LNPK: variants seen among roughly 807,000 people sequenced by gnomAD.
LNPK encodes the protein endoplasmic reticulum junction formation protein lunapark.
LNPK carries 29 observed loss-of-function variants against 55.2 expected under a neutral mutation model. That is an observed-to-expected ratio of 0.53 (90% CI 0.39 to 0.72). The LOEUF (loss-of-function observed/expected upper bound fraction) is 0.72, where lower values mean the gene tolerates loss of function less well. Among genes scored for constraint, LNPK ranks in the 30% least tolerant of loss-of-function variants. The pLI, the probability that LNPK is intolerant of heterozygous loss-of-function variation, is 0.00. For synonymous variants in LNPK, 162 were observed against 168.2 expected, an observed-to-expected ratio of 0.96 and a Z score of 0.29; for missense variants, 467 against 494.8, an observed-to-expected ratio of 0.94 and a Z score of 0.53.
chr2:175,985,408 C>T (rs941064338), intron 4 of LNPK, among the ~76,000 whole-genome samples: 3 of 152,162 alleles, frequency 2.0e-5, no homozygotes, highest in African/African-American at 7.2e-5. Context: ...AATTTCCTGG[C>T]TTAATATTTG....
At chr2:175,933,979 T>C (rs1344950875) in intron 12 of LNPK, among the ~76,000 whole-genome samples, 2 of 152,102 alleles carry the variant, frequency 1.3e-5, no homozygotes, top group Non-Finnish European at 2.9e-5. Context: ...CCGCCCGCCT[T>C]GGCCTCCCAA....
chr2:175,975,557 C>A (rs192702310), intron 5 of LNPK, among the ~76,000 whole-genome samples: 1 of 152,114 alleles, frequency 6.6e-6, no homozygotes, highest in Non-Finnish European at 1.5e-5. Context: ...ATGAAGAATG[C>A]GGTATCCTTC....
At chr2:175,987,382 A>C (rs1157149642) in intron 4 of LNPK, among the ~76,000 whole-genome samples, 1 of 152,174 alleles carries the variant, frequency 6.6e-6, no homozygotes, top group Non-Finnish European at 1.5e-5. Context: ...ATGGACATGG[A>C]TGAAACTGGA....
At chr2:175,987,676 A>C (rs1002220652) in intron 4 of LNPK, among the ~76,000 whole-genome samples, 179 of 12,632 alleles carry the variant, frequency 0.014, no homozygotes, top group African/African-American at 0.026. Context: ...AGTATAATTA[A>C]AAAAAAAAAA....
chr2:175,961,710 A>G lies in LNPK; in HGVS notation c.493+2662T>C, dbSNP rs187189525. Among the ~76,000 whole-genome samples, 160 of 152,352 alleles carry G rather than the reference A, an allele frequency of 1.1e-3. 1 individual carries two copies. The highest frequency in any genetic ancestry group is 3.4e-3 in the African/African-American group (142 of 41,588). On this transcript the variant is annotated intron_variant, in intron 8 of 12. Transcript: ENST00000272748. ...GTTGGAAGTTCTGGCCAAGGCAATC[A>G]GGCAGGAAAAAGAAATAAAGGGTAT...
rs35338571 is a variant in LNPK at position 175,930,275 on chromosome 2, A to AACACAC, written c.1055-82_1055-77dup. The AACACAC allele has an allele frequency of 3.6e-3, 2,363 of 660,596 alleles. 11 individuals are homozygous for AACACAC. The highest frequency in any genetic ancestry group is 0.017 in the African/African-American group (936 of 54,290). 40.9% of individuals were successfully genotyped at this position (660,596 alleles called of 1,614,324 possible). ...CTAAATAAGGCAAGCAAAAAAGATA[A>AACACAC]ACACACACACACACACACACACACA... On this transcript the variant is annotated intron_variant, in intron 12 of 12. Transcript: ENST00000272748.
intron 12 of LNPK, chr2:175,932,069 A>C (rs779435940): frequency 4.9e-6 from 2 of 404,830 alleles, no homozygotes; most frequent in Non-Finnish European, 9.9e-6. Flanking sequence ...AAAAGCTAAG[A>C]ATCCAGGATG....
chr2:175,934,149 T>G (rs1684427221), intron 12 of LNPK, among the ~76,000 whole-genome samples: 1 of 152,198 alleles, frequency 6.6e-6, no homozygotes, highest in Non-Finnish European at 1.5e-5. Context: ...ACATACTACA[T>G]ATCTTGAGAA....
intron 12 of LNPK, among the ~76,000 whole-genome samples, chr2:175,934,972 A>G (rs774203400): frequency 6.6e-6 from 1 of 152,124 alleles, no homozygotes; most frequent in Non-Finnish European, 1.5e-5. Context: ...TTTTCTAAAG[A>G]GCGGTCCAGA....
intron 5 of LNPK, 93 bp downstream of exon 5, chr2:175,979,717 C>A: frequency 9.3e-7 from 1 of 1,074,296 alleles, no homozygotes; most frequent in Non-Finnish European, 1.3e-6. Flanking sequence ...AACACATTAT[C>A]ATTCCAATAT....
rs35432522 is a variant in LNPK at position 175,924,695 on chromosome 2, CA to C, written c.*5271del. 42 of 145,170 alleles carry C rather than the reference CA, an allele frequency of 2.9e-4. No individual in the cohort carries two copies. Among genetic ancestry groups the C allele is most frequent in the Non-Finnish European group, 4.2e-4 (28 of 66,676 alleles). The allele number at this position is 145,170 out of a possible 1,614,324, so 9.0% of individuals were successfully genotyped here. ...TTTACTGAAAAAAAAACAAAACAAACAAAAAAAAAAAACAAAGAAGAAGTTT... is the reference window on the plus strand; with the variant it reads ...TTTACTGAAAAAAAAACAAAACAAACAAAAAAAAAAACAAAGAAGAAGTTT... On this transcript the variant is annotated 3_prime_UTR_variant, in exon 13 of 13. Transcript: ENST00000272748.
intron 8 of LNPK, among the ~76,000 whole-genome samples, chr2:175,954,969 T>C (rs181181649): frequency 4.1e-4 from 63 of 152,274 alleles, no homozygotes; most frequent in African/African-American, 1.3e-3. Context: ...CAAAGTACTA[T>C]AGAGTGAAGT....
intron 1 of LNPK, among the ~76,000 whole-genome samples, chr2:176,000,894 T>C (rs1465686833): frequency 1.3e-5 from 2 of 152,220 alleles, no homozygotes; most frequent in African/African-American, 2.4e-5. Flanking sequence ...TAATATATAA[T>C]GATTAGTGCT....
intron 6 of LNPK, among the ~76,000 whole-genome samples, chr2:175,969,467 A>T (rs1686551481): frequency 6.6e-6 from 1 of 152,202 alleles, no homozygotes; most frequent in South Asian, 2.1e-4. Context: ...TTTTCTGGCC[A>T]TATGATGCCA....
chr2:175,944,911 T>TAAGA (rs1685044611), intron 9 of LNPK, among the ~76,000 whole-genome samples: 1 of 151,970 alleles, frequency 6.6e-6, no homozygotes, highest in African/African-American at 2.4e-5. Flanking sequence ...ACCAAGTTCT[T>TAAGA]AGTATTAGAA....
intron 5 of LNPK, among the ~76,000 whole-genome samples, chr2:175,976,351 G>A (rs1428137254): frequency 6.6e-6 from 1 of 152,208 alleles, no homozygotes; most frequent in Non-Finnish European, 1.5e-5. Context: ...AATTTTGGAG[G>A]TAAAGATTAT....
chr2:175,997,097 G>T (rs1687968187), intron 1 of LNPK, among the ~76,000 whole-genome samples: 1 of 152,066 alleles, frequency 6.6e-6, no homozygotes, highest in Admixed American at 6.6e-5. Context: ...TTAGCATAAG[G>T]CATAGCTATC....
At chr2:175,998,974 C>A (rs1688063278) in intron 1 of LNPK, among the ~76,000 whole-genome samples, 1 of 152,112 alleles carries the variant, frequency 6.6e-6, no homozygotes, top group African/African-American at 2.4e-5. Flanking sequence ...TACATCTTAG[C>A]CTCTAAGACC....
Position 175,991,650 on chromosome 2 carries a change from A to G in LNPK, c.257+581T>C, listed in dbSNP as rs541823655. Among the ~76,000 whole-genome samples the G allele has an allele frequency of 4.5e-3, 683 of 152,308 alleles. 3 individuals carry two copies. Among genetic ancestry groups the G allele is most frequent in the African/African-American group, 0.016 (657 of 41,554 alleles). On this transcript the variant is annotated intron_variant, in intron 4 of 12. Coordinates refer to ENST00000272748, the MANE Select transcript of LNPK (RefSeq NM_030650.3). ...AGAGAATTTTGTATTTTTATGTACCATACACCATTATAATCCAATGTCTAA... is the reference window on the plus strand; with the variant it reads ...AGAGAATTTTGTATTTTTATGTACCGTACACCATTATAATCCAATGTCTAA...
Sources: gnomAD v4.1 joint callset for allele counts (sites outside exome capture counted in the v4.1 genomes callset) on GRCh38, gnomAD v4.1.1 for gene constraint, MANE v1.5 for transcripts, NCBI Gene and HGNC (gene_info 2026-07-23, HGNC 2026-07-21) for gene names.